The following EXOC4 variants were observed in gnomAD, a reference collection of about 807,000 sequenced individuals.
The protein encoded by EXOC4 is SEC8-like 1.
A neutral mutation model predicts 107.2 loss-of-function variants in EXOC4; 71 were observed. That is an observed-to-expected ratio of 0.66 (90% CI 0.55 to 0.81). The LOEUF is 0.81. EXOC4 is among the 30% of genes least tolerant of loss of function. EXOC4 has a pLI of 0.00. For missense variants in EXOC4, 1,108 were observed against 1,189.6 expected, an observed-to-expected ratio of 0.93 and a Z score of 1.01; for synonymous variants, 456 against 441.2, an observed-to-expected ratio of 1.03 and a Z score of -0.42.
chr7:133,919,283 C>T (rs1219975332), intron 13 of EXOC4, among the ~76,000 whole-genome samples: 1 of 152,034 alleles, frequency 6.6e-6, no homozygotes, highest in Non-Finnish European at 1.5e-5. Flanking sequence ...GCCATAGATC[C>T]CCTTACACCT....
chr7:133,414,515 G>A (rs186510685), intron 7 of EXOC4, among the ~76,000 whole-genome samples: 173 of 152,266 alleles, frequency 1.1e-3, no homozygotes, highest in Middle Eastern at 3.4e-3. Flanking sequence ...ACATGTACAA[G>A]GGTGTTCATT....
intron 1 of EXOC4, among the ~76,000 whole-genome samples, chr7:133,260,657 G>C (rs1316409496): frequency 6.6e-6 from 1 of 152,172 alleles, no homozygotes; most frequent in African/African-American, 2.4e-5. Context: ...GAATAAGCTA[G>C]TCAGTTTCTG....
At chr7:133,899,146 A>G (rs7798355) in intron 12 of EXOC4, among the ~76,000 whole-genome samples, 93,858 of 151,248 alleles carry the variant, frequency 0.62, 31,510 homozygotes, top group African/African-American at 0.89. Flanking sequence ...TTGTCTGATT[A>G]TGGGCACCCA....
At chr7:133,605,085 T>C (rs1801907383) in intron 9 of EXOC4, among the ~76,000 whole-genome samples, 1 of 152,114 alleles carries the variant, frequency 6.6e-6, no homozygotes, top group South Asian at 2.1e-4. Context: ...TTGTCTTTCA[T>C]AGGTTGTTAG....
chr7:133,415,732 T>TA (rs1183973352), intron 7 of EXOC4, among the ~76,000 whole-genome samples: 1 of 152,162 alleles, frequency 6.6e-6, no homozygotes, highest in Non-Finnish European at 1.5e-5. Context: ...TAGCATTTGT[T>TA]AAAATTGTGG....
intron 17 of EXOC4, among the ~76,000 whole-genome samples, chr7:134,015,485 T>C (rs1240916233): frequency 6.6e-6 from 1 of 152,152 alleles, no homozygotes; most frequent in Non-Finnish European, 1.5e-5. Flanking sequence ...TGGTCAGATT[T>C]ATATTCTAAG....
At chr7:133,886,505 G>T (rs1405376019) in intron 11 of EXOC4, among the ~76,000 whole-genome samples, 1 of 151,820 alleles carries the variant, frequency 6.6e-6, no homozygotes, top group East Asian at 1.9e-4. Context: ...ATTTTCCACA[G>T]CAATGTTTTT....
At chr7:133,571,140 A>G (rs957291259) in intron 9 of EXOC4, among the ~76,000 whole-genome samples, 1 of 152,196 alleles carries the variant, frequency 6.6e-6, no homozygotes, top group African/African-American at 2.4e-5. Flanking sequence ...TGATTATTAA[A>G]TGATTACTTA....
intron 9 of EXOC4, among the ~76,000 whole-genome samples, chr7:133,595,202 AG>A (rs1801638862): frequency 6.6e-6 from 1 of 152,156 alleles, no homozygotes. Flanking sequence ...AGGAACATGC[AG>A]GAGAATCAGA....
At chr7:133,354,332 A>G (rs1370345993) in intron 5 of EXOC4, among the ~76,000 whole-genome samples, 1 of 152,034 alleles carries the variant, frequency 6.6e-6, no homozygotes, top group African/African-American at 2.4e-5. Flanking sequence ...TGTTTTATAA[A>G]TTATTGTAGT....
chr7:133,938,332 A>G (rs892722106), intron 14 of EXOC4, among the ~76,000 whole-genome samples: 3 of 152,182 alleles, frequency 2.0e-5, no homozygotes, highest in African/African-American at 7.2e-5. Flanking sequence ...GGCCTTAGAA[A>G]CATAAATTCA....
chr7:133,584,360 CTTTTCTTA>C (rs1484388940), intron 9 of EXOC4, among the ~76,000 whole-genome samples: 3 of 152,016 alleles, frequency 2.0e-5, no homozygotes, highest in African/African-American at 7.2e-5. Context: ...GCCCAAAACC[CTTTTCTTA>C]CTAAATTGTC....
chr7:133,793,954 A>G (rs1405686962), intron 10 of EXOC4, among the ~76,000 whole-genome samples: 1 of 152,208 alleles, frequency 6.6e-6, no homozygotes, highest in African/African-American at 2.4e-5. Flanking sequence ...TGGGTCTCAA[A>G]TATACAACTC....
intron 17 of EXOC4, among the ~76,000 whole-genome samples, chr7:134,034,629 C>T (rs1479285509): frequency 6.6e-6 from 1 of 152,198 alleles, no homozygotes; most frequent in African/African-American, 2.4e-5. Context: ...TTACCCTTCA[C>T]TTTCTGCCAT....
At chr7:133,331,461 C>CTTTTT (rs58568173) in intron 5 of EXOC4, among the ~76,000 whole-genome samples, 5 of 85,586 alleles carry the variant, frequency 5.8e-5, no homozygotes, top group Admixed American at 2.7e-4. Context: ...TTTCTTTTTT[C>CTTTTT]TTTTTTTTTT....
the EXOC4 span, among the ~76,000 whole-genome samples, chr7:134,073,168 T>C: frequency 1.7e-5 from 2 of 117,398 alleles, no homozygotes; most frequent in Non-Finnish European, 3.2e-5. Context: ...ACCATGCCAT[T>C]GCACTCCAGC....
chr7:133,925,358 T>C (rs1049848456), intron 13 of EXOC4, among the ~76,000 whole-genome samples: 5 of 152,214 alleles, frequency 3.3e-5, no homozygotes, highest in African/African-American at 1.2e-4. Flanking sequence ...AATATCCTTT[T>C]ATTCCCAAAG....
intron 11 of EXOC4, among the ~76,000 whole-genome samples, chr7:133,880,369 C>T (rs577231376): frequency 6.6e-6 from 1 of 152,196 alleles, no homozygotes; most frequent in Non-Finnish European, 1.5e-5. Context: ...AGCTGAATAA[C>T]AGCCTTAAGG....
At chr7:133,266,188 A>G (rs1014019834) in intron 1 of EXOC4, among the ~76,000 whole-genome samples, 2 of 152,314 alleles carry the variant, frequency 1.3e-5, no homozygotes, top group Admixed American at 1.3e-4. Flanking sequence ...CTGCTGTCAC[A>G]TGGCCTTTGC....
Sources: gnomAD v4.1 joint callset for allele counts (sites outside exome capture counted in the v4.1 genomes callset) on GRCh38, gnomAD v4.1.1 for gene constraint, MANE v1.5 for transcripts, NCBI Gene and HGNC (gene_info 2026-07-23, HGNC 2026-07-21) for gene names.